Variants in ARHGEF38 observed in about 807,000 individuals in gnomAD.
ARHGEF38 encodes the protein Rho guanine nucleotide exchange factor 38.
Under a neutral mutation model 79.9 loss-of-function variants are expected in ARHGEF38, and 79 were observed. The observed-to-expected ratio is 0.99, with a 90% CI of 0.82 to 1.19. The LOEUF is 1.19. Ranked by LOEUF, ARHGEF38 falls within the 50% of genes most tolerant of loss-of-function variation. The pLI is 0.00. For synonymous variants in ARHGEF38, 366 were observed against 328.3 expected (o/e 1.11, Z -1.24); for missense variants, 962 against 907.2 (o/e 1.06, Z -0.78).
At chr4:105,582,395 G>A (rs887776011) in intron 1 of ARHGEF38, among the ~76,000 whole-genome samples, 14 of 150,718 alleles carry the variant, frequency 9.3e-5, no homozygotes, top group Admixed American at 7.3e-4. Context: ...TTTTCTGTAA[G>A]CAGTGCTTTA....
At chr4:105,637,141 T>TTG (rs1248151147) in intron 5 of ARHGEF38, among the ~76,000 whole-genome samples, 5 of 152,062 alleles carry the variant, frequency 3.3e-5, no homozygotes, top group Admixed American at 2.6e-4. Flanking sequence ...GTGTGTTTGC[T>TTG]TGTGTGTGTG....
Position 105,659,081 on chromosome 4 carries a change from A to C in ARHGEF38, c.1261A>C (p.Thr421Pro). 1 of 1,535,444 alleles carries C rather than the reference A, an allele frequency of 6.5e-7. No individual in the cohort carries two copies. The highest frequency in any genetic ancestry group is 8.7e-7 in the Non-Finnish European group (1 of 1,146,664). ...FASHLQRLIL[T>P]PLSALLSLFP... is the part of the protein sequence containing the mutation. ...ATCTCACTTACAGAGACTCATCCTG[A>C]CCCCCTTGTCAGCCCTGCTGTCCTT... is the stretch of plus-strand genomic sequence containing the variant. Residue 421 changes from threonine (T) to proline (P), a missense_variant, in exon 10 of 14, where the codon ACC (threonine) becomes CCC (proline). Thr to Pro is a conservative substitution (Grantham distance 38, BLOSUM62 -1). Coordinates refer to ENST00000420470, the MANE Select transcript of ARHGEF38 (RefSeq NM_001242729.2).
chr4:105,634,356 A>C (rs1729316968), intron 4 of ARHGEF38, among the ~76,000 whole-genome samples: 1 of 152,310 alleles, frequency 6.6e-6, no homozygotes, highest in Non-Finnish European at 1.5e-5. Flanking sequence ...ACACATCTGC[A>C]TCTATAGCCT....
At chr4:105,597,633 C>T (rs1167840408) in intron 2 of ARHGEF38, among the ~76,000 whole-genome samples, 2 of 152,194 alleles carry the variant, frequency 1.3e-5, no homozygotes, top group Non-Finnish European at 2.9e-5. Flanking sequence ...GCCCTGAACT[C>T]AGTGGAGTTA....
chr4:105,600,475 G>T (rs1164223530), intron 2 of ARHGEF38, among the ~76,000 whole-genome samples: 1 of 152,132 alleles, frequency 6.6e-6, no homozygotes, highest in Non-Finnish European at 1.5e-5. Flanking sequence ...TCCTATGCTG[G>T]TTAATCCTCA....
chr4:105,615,167 G>A (rs937718514), intron 3 of ARHGEF38, among the ~76,000 whole-genome samples: 4 of 152,212 alleles, frequency 2.6e-5, no homozygotes, highest in African/African-American at 7.2e-5. Flanking sequence ...ACAGATGTAA[G>A]CAAGAAATGA....
chr4:105,561,449 GGAATAGAATA>G (rs1163338378), intron 1 of ARHGEF38: 517 of 45,396 alleles, frequency 0.011, 36 homozygotes, highest in Middle Eastern at 0.021. Flanking sequence ...AGAATAGAAT[GGAATAGAATA>G]GAATAGAATA....
At chr4:105,602,004 T>C (rs1034757621) in intron 2 of ARHGEF38, among the ~76,000 whole-genome samples, 2 of 152,210 alleles carry the variant, frequency 1.3e-5, no homozygotes, top group Non-Finnish European at 2.9e-5. Context: ...CAGTGCTTTA[T>C]ACATGAGCAG....
intron 13 of ARHGEF38, among the ~76,000 whole-genome samples, chr4:105,676,285 G>T (rs963229026): frequency 1.3e-5 from 2 of 152,072 alleles, no homozygotes; most frequent in Admixed American, 6.6e-5. Context: ...CTTCAAATAT[G>T]ACATATTCAT....
At position 105,558,078 on chromosome 4, in the gene ARHGEF38, G is replaced by A. The variant is rs369678952; in HGVS notation, c.196+5117G>A. On this transcript the variant is annotated intron_variant, in intron 1 of 13. Coordinates refer to ENST00000420470, the MANE Select transcript of ARHGEF38 (RefSeq NM_001242729.2). ...CTATTGTATCATTCTAATTAAGAAA[G>A]GTTATCTTTATGAGACCCAAAGTTG... Among the ~76,000 whole-genome samples the A allele has an allele frequency of 1.1e-4, 17 of 152,060 alleles. No homozygotes were observed. In the East Asian group the frequency reaches 1.7e-3, roughly 16 times the overall value.
chr4:105,622,163 T>C (rs187723038), intron 3 of ARHGEF38, among the ~76,000 whole-genome samples: 1 of 152,224 alleles, frequency 6.6e-6, no homozygotes, highest in East Asian at 1.9e-4. Context: ...TTCTGATTTC[T>C]GAGGAGGATG....
At chr4:105,682,167 G>T (rs1420401265), downstream of ARHGEF38, among the ~76,000 whole-genome samples, 7 of 152,054 alleles carry the variant, frequency 4.6e-5, no homozygotes, top group African/African-American at 1.4e-4. Context: ...TTGAAATGAG[G>T]TGATAAAAAA....
At chr4:105,582,719 T>C (rs1430522995) in intron 1 of ARHGEF38, among the ~76,000 whole-genome samples, 1 of 152,178 alleles carries the variant, frequency 6.6e-6, no homozygotes, top group Non-Finnish European at 1.5e-5. Context: ...GTCCTAACAG[T>C]CTATCAGTTA....
chr4:105,626,366 T>A (rs560589190), intron 3 of ARHGEF38, among the ~76,000 whole-genome samples: 1 of 152,216 alleles, frequency 6.6e-6, no homozygotes, highest in East Asian at 1.9e-4. Flanking sequence ...AGCTAACATC[T>A]ATTGAGCATT....
At chr4:105,588,198 T>A (rs1002121015) in intron 1 of ARHGEF38, among the ~76,000 whole-genome samples, 1 of 152,248 alleles carries the variant, frequency 6.6e-6, no homozygotes, top group African/African-American at 2.4e-5. Context: ...ATTTATTTTT[T>A]ACTGTACAGA....
At chr4:105,677,702 C>T (rs1731170848) in intron 13 of ARHGEF38, 50 bp from the exon 14 acceptor site, 1 of 1,347,962 alleles carries the variant, frequency 7.4e-7, no homozygotes, top group Non-Finnish European at 9.6e-7. Context: ...TGATGTTTCT[C>T]TTAATATTCA....
intron 2 of ARHGEF38, among the ~76,000 whole-genome samples, chr4:105,597,161 A>G (rs1471928087): frequency 6.6e-6 from 1 of 152,228 alleles, no homozygotes; most frequent in Non-Finnish European, 1.5e-5. Context: ...ATACAAGATA[A>G]AAGGACCAAG....
intron 3 of ARHGEF38, among the ~76,000 whole-genome samples, chr4:105,623,920 T>C (rs988721658): frequency 2.0e-5 from 3 of 152,162 alleles, no homozygotes; most frequent in African/African-American, 7.2e-5. Flanking sequence ...ATGTACTGAG[T>C]GGATGCCACC....
At chr4:105,623,891 A>G (rs968441005) in intron 3 of ARHGEF38, among the ~76,000 whole-genome samples, 2 of 152,106 alleles carry the variant, frequency 1.3e-5, no homozygotes, top group Admixed American at 6.5e-5. Flanking sequence ...CTCAGCTGCT[A>G]GCCACCTCCC....
Sources: gnomAD v4.1 joint callset for allele counts (sites outside exome capture counted in the v4.1 genomes callset) on GRCh38, gnomAD v4.1.1 for gene constraint, MANE v1.5 for transcripts, NCBI Gene and HGNC (gene_info 2026-07-23, HGNC 2026-07-21) for gene names.